The following PIEZO2 variants were observed in gnomAD, a reference collection of about 807,000 sequenced individuals.
PIEZO2 encodes piezo-type mechanosensitive ion channel component 2.
In PIEZO2, 172 loss-of-function variants were observed where a neutral mutation model predicts 337.3. That is an observed-to-expected ratio of 0.51 (90% CI 0.45 to 0.58). The LOEUF is 0.58. PIEZO2 is among the 20% of genes least tolerant of loss of function. The pLI, the probability that PIEZO2 is intolerant of heterozygous loss-of-function variation, is 0.00. For synonymous variants in PIEZO2, 1,251 were observed against 1,228.5 expected (o/e 1.02, Z -0.38); for missense variants, 3,028 against 3,391.3 (o/e 0.89, Z 2.66).
chr18:11,113,050 T>A (rs2039781742), intron 1 of PIEZO2, among the ~76,000 whole-genome samples: 1 of 152,224 alleles, frequency 6.6e-6, no homozygotes, highest in African/African-American at 2.4e-5. Context: ...GGACTTGAAC[T>A]GGCTGATTGA....
chr18:11,084,871 T>G (rs1316312286), intron 1 of PIEZO2, among the ~76,000 whole-genome samples: 1 of 152,254 alleles, frequency 6.6e-6, no homozygotes, highest in South Asian at 2.1e-4. Context: ...TAGAGACTAA[T>G]GGTAATAACA....
chr18:10,758,990 A>G (rs4516291), intron 26 of PIEZO2, among the ~76,000 whole-genome samples: 124,041 of 152,172 alleles, frequency 0.82, 50,800 homozygotes, highest in East Asian at 0.91. Context: ...CTGGTCTTGG[A>G]GGAGCTGCTC....
At position 10,705,481 on chromosome 18, in the gene PIEZO2, G is replaced by A. The variant is rs1373068423; in HGVS notation, c.5854C>T (p.His1952Tyr). Residue 1952 changes from histidine (H) to tyrosine (Y), a missense_variant, in exon 41 of 56, where the codon CAT becomes TAT. Around this residue, in one of 5 missense-constraint regions of PIEZO2, gnomAD observed 1,925 missense variants for 2,051.9 expected, o/e 0.94. Transcript: ENST00000674853. ...TCGTCCTGCGAGCCGAAGGACAGAT[G>A]CTCGAAGCTCACAGCCTTGCTGTAG... is the stretch of plus-strand genomic sequence containing the variant. ...PSYSKAVSFE[H>Y]LSFGSQDDSA... is the part of the protein sequence containing the mutation. 7.8e-6 allele frequency: 12 copies of A among 1,537,164 alleles called. No homozygotes were observed. The South Asian group carries it at 1.2e-4, about 15-fold the overall frequency.
chr18:10,901,879 T>G (rs2043057517), intron 4 of PIEZO2, among the ~76,000 whole-genome samples: 1 of 151,758 alleles, frequency 6.6e-6, no homozygotes, highest in Non-Finnish European at 1.5e-5. Context: ...CTCTTCTGCT[T>G]AATTTCTCTG....
rs1009345584 is a variant in PIEZO2, at chr18:10,861,122, T to G, written c.493-3911A>C. 1.5e-4 allele frequency among the ~76,000 whole-genome samples: 23 copies of G among 152,202 alleles called. No individual in the cohort carries two copies. The highest frequency in any genetic ancestry group is 5.3e-4 in the African/African-American group (22 of 41,454). On this transcript the variant is annotated intron_variant, in intron 5 of 55. Coordinates refer to ENST00000674853, the MANE Select transcript of PIEZO2 (RefSeq NM_001378183.1). The surrounding 1 kb of genome is among the most constrained non-coding windows in gnomAD (Gnocchi z 4.3). ...TGCTGATGTATAAACACTGAACCTC[T>G]GAAAGAGCATGGACTCACTCTCGCA...
chr18:10,760,029 G>A (rs1598442413), intron 24 of PIEZO2, 120 bp from the exon 25 acceptor site: 7 of 827,938 alleles, frequency 8.5e-6, no homozygotes, highest in South Asian at 3.4e-5. Context: ...AAGTCTGTCT[G>A]CACAGATTCA....
intron 48 of PIEZO2, among the ~76,000 whole-genome samples, chr18:10,690,991 G>A (rs942152912): frequency 5.3e-5 from 8 of 152,124 alleles, no homozygotes; most frequent in African/African-American, 1.9e-4. Flanking sequence ...AATTATGCAG[G>A]ATACTAACCC....
chr18:10,702,021 G>T lies in PIEZO2; in HGVS notation c.6409C>A (p.Leu2137Met). The change falls in exon 43 of 56, where the codon CTG becomes ATG. Residue 2137 changes from leucine (L) to methionine (M), a missense_variant. Physicochemically the swap from Leu to Met is conservative, Grantham distance 15. Coordinates refer to ENST00000674853, the MANE Select transcript of PIEZO2 (RefSeq NM_001378183.1). ...GYVLYDLIQLLALFFHRSILK... is the reference protein window; with the variant it reads ...GYVLYDLIQLMALFFHRSILK... ...ATTGATCGATGAAAGAACAGAGCCA[G>T]GAGCTGGATGAGGTCATAGAGAACA... 1 of 1,532,016 alleles carries T rather than the reference G, an allele frequency of 6.5e-7. No homozygotes were observed. The highest frequency in any genetic ancestry group is 8.7e-7 in the Non-Finnish European group (1 of 1,145,372). 94.9% of individuals were successfully genotyped at this position (1,532,016 alleles called of 1,614,324 possible). A position where few individuals can be genotyped will look rare whatever the true frequency, so the allele number is the denominator to read the frequency against.
Position 10,767,020 on chromosome 18 carries a change from C to G in PIEZO2, c.2946+3128G>C, listed in dbSNP as rs2038394161. 1.3e-5 allele frequency among the ~76,000 whole-genome samples: 2 copies of G among 149,594 alleles called. No homozygotes were observed. The highest frequency in any genetic ancestry group is 4.3e-4 in the South Asian group (2 of 4,616). Reference sequence around the variant, plus strand: ...CTCCCCTCCCCTCCCCTTCCCTCCCCTCCCCTTCCCTTCCTTCTCCAATTG... The same window carrying G: ...CTCCCCTCCCCTCCCCTTCCCTCCCGTCCCCTTCCCTTCCTTCTCCAATTG... On this transcript the variant is annotated intron_variant, in intron 21 of 55. Transcript: ENST00000674853. This position sits in a 1 kb window ranked among gnomAD's most constrained non-coding sequence, Gnocchi z 4.2.
At position 11,136,633 on chromosome 18, in the gene PIEZO2, A is replaced by G. The variant is rs565186547; in HGVS notation, c.64+11892T>C. 1.1e-4 allele frequency among the ~76,000 whole-genome samples: 17 copies of G among 152,346 alleles called. No homozygotes were observed. The South Asian group carries it at 3.5e-3, about 32-fold the overall frequency. ...TTGAAAAATATTTAGTTTGGAAACCAGTGTTTAGTTTGATGAGAGGAAGGA... is the reference window on the plus strand; with the variant it reads ...TTGAAAAATATTTAGTTTGGAAACCGGTGTTTAGTTTGATGAGAGGAAGGA... On this transcript the variant is annotated intron_variant, in intron 1 of 55. Transcript: ENST00000674853.
intron 5 of PIEZO2, among the ~76,000 whole-genome samples, chr18:10,860,738 T>C (rs2041850005): frequency 6.6e-6 from 1 of 152,206 alleles, no homozygotes. Flanking sequence ...ATAATAAATG[T>C]GTTCTTATTC....
chr18:10,987,544 T>C (rs956619679), intron 2 of PIEZO2, among the ~76,000 whole-genome samples: 2 of 152,076 alleles, frequency 1.3e-5, no homozygotes, highest in Non-Finnish European at 2.9e-5. Flanking sequence ...TCTTACACCA[T>C]ATACAAAAAT....
At position 11,028,701 on chromosome 18, in the gene PIEZO2, C is replaced by T. The variant is rs1436046856; in HGVS notation, c.160+37426G>A. ...ATATATGTTTCCTTAGATAGATCCT[C>T]ACATATTCTGGAAGGAGAAGAAAGT... On this transcript the variant is annotated intron_variant, in intron 2 of 55. Transcript: ENST00000674853. This position sits in a 1 kb window ranked among gnomAD's most constrained non-coding sequence, Gnocchi z 4.8. 2.0e-5 allele frequency among the ~76,000 whole-genome samples: 3 copies of T among 152,192 alleles called. No homozygotes were observed. The highest frequency in any genetic ancestry group is 4.4e-5 in the Non-Finnish European group (3 of 68,036).
intron 40 of PIEZO2, among the ~76,000 whole-genome samples, chr18:10,706,225 G>T (rs994632565): frequency 6.6e-6 from 1 of 152,116 alleles, no homozygotes; most frequent in South Asian, 2.1e-4. Flanking sequence ...AGACCATAAG[G>T]GGGGAATGGG....
intron 21 of PIEZO2, among the ~76,000 whole-genome samples, chr18:10,764,617 T>C (rs1180861523): frequency 6.6e-6 from 1 of 151,622 alleles, no homozygotes; most frequent in African/African-American, 2.4e-5. Context: ...TAAAAAATTA[T>C]AAAAGAAGAA....
Position 10,819,278 on chromosome 18 carries a change from TG to T in PIEZO2, c.918-12005del, listed in dbSNP as rs1324894762. ...AGTTAAATATTTATAAATGGTATAC[TG>T]TTTTTTGGATAAAGAGGCAATCTTT... On this transcript the variant is annotated intron_variant, in intron 7 of 55. Coordinates refer to ENST00000674853, the MANE Select transcript of PIEZO2 (RefSeq NM_001378183.1). This position sits in a 1 kb window ranked among gnomAD's most constrained non-coding sequence, Gnocchi z 4.3. Among the ~76,000 whole-genome samples, 9 of 152,254 alleles carry T rather than the reference TG, an allele frequency of 5.9e-5. No individual in the cohort carries two copies. Among genetic ancestry groups the T allele is most frequent in the African/African-American group, 2.2e-4 (9 of 41,478 alleles).
At chr18:10,916,595 C>T (rs554543688) in intron 3 of PIEZO2, among the ~76,000 whole-genome samples, 126 of 152,252 alleles carry the variant, frequency 8.3e-4, no homozygotes, top group African/African-American at 3.0e-3. Context: ...TCCGTGAGGC[C>T]GCGCCCATCT....
rs1029200236 is a variant in PIEZO2, at chr18:10,828,275, G to A, written c.918-21001C>T. On this transcript the variant is annotated intron_variant, in intron 7 of 55. Coordinates refer to ENST00000674853, the MANE Select transcript of PIEZO2 (RefSeq NM_001378183.1). This position sits in a 1 kb window ranked among gnomAD's most constrained non-coding sequence, Gnocchi z 4.1. ...ATTTTCCCTATCTTCTTAAAAGCTTGTCAATAATGGAAAATTTCCCCAAGT... is the reference window on the plus strand; with the variant it reads ...ATTTTCCCTATCTTCTTAAAAGCTTATCAATAATGGAAAATTTCCCCAAGT... Among the ~76,000 whole-genome samples the A allele has an allele frequency of 1.3e-5, 2 of 151,848 alleles. No homozygotes were observed. Among genetic ancestry groups the A allele is most frequent in the African/African-American group, 4.8e-5 (2 of 41,348 alleles).
rs1239257764 is a variant in PIEZO2 at position 10,714,812 on chromosome 18, T to G, written c.5375A>C (p.Gln1792Pro). The stretch of plus-strand genomic sequence containing the variant: ...TAAACTATCCATCCTGTGGGCTGTC[T>G]GTGCACCTGAAGCAGCTCCGGGATG... ...DEHPGAASGA[Q>P]TAHRMDSLDS... Residue 1792 changes from glutamine (Q) to proline (P), a missense_variant, in exon 39 of 56, where the codon CAG (glutamine) becomes CCG (proline). This residue lies in a region of PIEZO2 where 1,925 missense variants were observed against 2,051.9 expected (regional missense o/e 0.94). Coordinates refer to ENST00000674853, the MANE Select transcript of PIEZO2 (RefSeq NM_001378183.1). 1 of 1,537,164 alleles carries G rather than the reference T, an allele frequency of 6.5e-7. No homozygotes were observed. The highest frequency in any genetic ancestry group is 8.7e-7 in the Non-Finnish European group (1 of 1,146,916).
Sources: allele counts gnomAD v4.1 joint callset (sites outside exome capture counted in the v4.1 genomes callset), GRCh38; gene constraint gnomAD v4.1.1; regional missense constraint gnomAD v4.1.1; non-coding constraint Gnocchi (gnomAD v3.1); transcripts MANE v1.5; gene names NCBI Gene and HGNC (gene_info 2026-07-23, HGNC 2026-07-21).